Variants in PRUNE2 observed in about 807,000 individuals in gnomAD.
PRUNE2 encodes prune homolog 2 with BCH domain.
PRUNE2 carries 164 observed loss-of-function variants against 252.0 expected under a neutral mutation model. That is an observed-to-expected ratio of 0.65 (90% confidence interval 0.57 to 0.74). The LOEUF (loss-of-function observed/expected upper bound fraction) is 0.74. Among genes scored for constraint, PRUNE2 ranks in the 30% least tolerant of loss-of-function variants. The pLI, the probability that PRUNE2 is intolerant of heterozygous loss-of-function variation, is 0.00. For missense variants in PRUNE2, 3,495 were observed against 3,711.0 expected (o/e 0.94, Z 1.51); for synonymous variants, 1,292 against 1,350.2 (o/e 0.96, Z 0.94).
chr9:76,876,565 C>T (rs1172163879), intron 1 of PRUNE2, among the ~76,000 whole-genome samples: 3 of 152,094 alleles, frequency 2.0e-5, no homozygotes, highest in Non-Finnish European at 4.4e-5. Flanking sequence ...CTCCTCCCTC[C>T]CACCTAGACA....
intron 6 of PRUNE2, chr9:76,740,129 T>A (rs2049466833): frequency 6.6e-6 from 1 of 151,602 alleles, no homozygotes; most frequent in Admixed American, 6.6e-5. Flanking sequence ...GGATCATTTC[T>A]AATTATATGT....
intron 6 of PRUNE2, among the ~76,000 whole-genome samples, chr9:76,767,907 G>T (rs1424723410): frequency 6.6e-6 from 1 of 152,134 alleles, no homozygotes; most frequent in Non-Finnish European, 1.5e-5. Context: ...AACCCTCTTG[G>T]TTCCTCACTT....
At chr9:76,844,334 A>T (rs2059558018) in intron 4 of PRUNE2, among the ~76,000 whole-genome samples, 1 of 152,044 alleles carries the variant, frequency 6.6e-6, no homozygotes, top group Admixed American at 6.5e-5. Context: ...CTGGTTGTTA[A>T]AAAAGGTCTG....
intron 4 of PRUNE2, among the ~76,000 whole-genome samples, chr9:76,843,190 G>A (rs1036550217): frequency 3.9e-5 from 6 of 152,100 alleles, no homozygotes; most frequent in African/African-American, 1.2e-4. Context: ...TGATGAGGCT[G>A]GAAACCACCA....
chr9:76,807,916 G>T (rs913373410), intron 6 of PRUNE2, among the ~76,000 whole-genome samples: 1 of 152,196 alleles, frequency 6.6e-6, no homozygotes, highest in Non-Finnish European at 1.5e-5. Flanking sequence ...GGTGGCTCAC[G>T]CCTGTAATCC....
At chr9:76,866,146 G>A (rs1476296989) in intron 1 of PRUNE2, among the ~76,000 whole-genome samples, 2 of 152,148 alleles carry the variant, frequency 1.3e-5, no homozygotes, top group African/African-American at 4.8e-5. Context: ...CATCCAGCAG[G>A]CCCAATCCTG....
Position 76,708,261 on chromosome 9 carries a change from T to A in PRUNE2, c.4013A>T (p.His1338Leu). Residue 1338 changes from histidine to leucine, a missense_variant, in exon 8 of 19, where the codon CAC (histidine) becomes CTC (leucine). Physicochemically the swap from His to Leu is moderately conservative, Grantham distance 99 (BLOSUM62 -3). Transcript: ENST00000376718. ...KEAQGATDRG[H>L]LDEEEVIASG... ...GGCGATCACCTCCTCTTCATCAAGGTGCCCCCTGTCAGTGGCTCCCTGGGC... is the reference window on the plus strand; with the variant it reads ...GGCGATCACCTCCTCTTCATCAAGGAGCCCCCTGTCAGTGGCTCCCTGGGC... The A allele has an allele frequency of 6.2e-7, 1 of 1,613,906 alleles. No homozygotes were observed. Among genetic ancestry groups the A allele is most frequent in the Non-Finnish European group, 8.5e-7 (1 of 1,179,870 alleles).
At chr9:76,869,903 A>T (rs1394693647) in intron 1 of PRUNE2, among the ~76,000 whole-genome samples, 1 of 152,196 alleles carries the variant, frequency 6.6e-6, no homozygotes, top group Admixed American at 6.5e-5. Context: ...CAATTGGAAA[A>T]TTTTTTGATA....
chr9:76,638,531 G>A (rs373775515), intron 12 of PRUNE2, among the ~76,000 whole-genome samples: 2 of 152,218 alleles, frequency 1.3e-5, no homozygotes, highest in East Asian at 3.9e-4. Flanking sequence ...GCATATGTAG[G>A]CTATTTATAT....
At chr9:76,831,365 G>T (rs958073412) in intron 4 of PRUNE2, among the ~76,000 whole-genome samples, 2 of 152,096 alleles carry the variant, frequency 1.3e-5, no homozygotes, top group African/African-American at 4.8e-5. Context: ...GCAAAGAAAT[G>T]CAGGAAGAAA....
intron 9 of PRUNE2, among the ~76,000 whole-genome samples, chr9:76,693,462 G>T (rs1484863042): frequency 1.4e-5 from 1 of 71,834 alleles, no homozygotes; most frequent in African/African-American, 6.2e-5. Flanking sequence ...TTTTTTTTTG[G>T]AGACGGAGTC....
intron 6 of PRUNE2, among the ~76,000 whole-genome samples, chr9:76,731,921 T>G (rs571043497): frequency 2.6e-4 from 39 of 152,338 alleles, no homozygotes; most frequent in African/African-American, 8.4e-4. Flanking sequence ...TTGCTTATAG[T>G]AAAGGAGTCA....
chr9:76,768,623 G>GTA (rs749606024), intron 6 of PRUNE2, among the ~76,000 whole-genome samples: 53 of 130,226 alleles, frequency 4.1e-4, no homozygotes, highest in African/African-American at 1.4e-3. Flanking sequence ...GTGTGTGTGT[G>GTA]TATATCCCTG....
intron 6 of PRUNE2, chr9:76,784,546 G>A (rs1486830076): frequency 1.3e-5 from 2 of 152,020 alleles, no homozygotes; most frequent in Non-Finnish European, 2.9e-5. Flanking sequence ...GTTCCTTCTG[G>A]GCCCAACATT....
intron 6 of PRUNE2, among the ~76,000 whole-genome samples, chr9:76,807,020 A>ATGTGTGTGTGTGTGTGTGTGTG (rs1554779764): frequency 1.4e-5 from 2 of 140,402 alleles, no homozygotes; most frequent in African/African-American, 5.4e-5. Flanking sequence ...ACCTCATACA[A>ATGTGTGTGTGTGTGTGTGTGTG]TGTGTGTGTG....
At chr9:76,798,138 A>T (rs2056264891) in intron 6 of PRUNE2, among the ~76,000 whole-genome samples, 1 of 63,648 alleles carries the variant, frequency 1.6e-5, no homozygotes, top group African/African-American at 7.5e-5. Context: ...ATTGTAGTTA[A>T]AAAAACATAA....
intron 6 of PRUNE2, among the ~76,000 whole-genome samples, chr9:76,800,918 C>T (rs1051028425): frequency 3.9e-5 from 6 of 152,178 alleles, no homozygotes. Context: ...GCCCATGTCC[C>T]ATAAACATCT....
At chr9:76,825,156 T>G (rs533101283) in intron 5 of PRUNE2, among the ~76,000 whole-genome samples, 59 of 152,250 alleles carry the variant, frequency 3.9e-4, no homozygotes, top group Non-Finnish European at 6.8e-4. Flanking sequence ...TGGGTCTGAG[T>G]AGCCCACACT....
rs192964650 is a variant in PRUNE2 at position 76,696,075 on chromosome 9, A to G, written c.8276+7262T>C. ...TGGCCTCTGCCCATTAGATGACAGCAGTACCCACCCCAGTTGTGACAACCA... is the reference window on the plus strand; with the variant it reads ...TGGCCTCTGCCCATTAGATGACAGCGGTACCCACCCCAGTTGTGACAACCA... On this transcript the variant is annotated intron_variant, in intron 9 of 18. Transcript: ENST00000376718. Among the ~76,000 whole-genome samples, 4 of 152,318 alleles carry G rather than the reference A, an allele frequency of 2.6e-5. No individual in the cohort carries two copies. In the East Asian group the frequency reaches 7.7e-4, roughly 29 times the overall value.
Sources: allele counts gnomAD v4.1 joint callset (sites outside exome capture counted in the v4.1 genomes callset), GRCh38; gene constraint gnomAD v4.1.1; transcripts MANE v1.5; gene names NCBI Gene and HGNC (gene_info 2026-07-23, HGNC 2026-07-21).